The following CHD9 variants were observed in gnomAD, a reference collection of about 807,000 sequenced individuals.
CHD9 encodes chromodomain helicase DNA binding protein 9.
In CHD9, 77 loss-of-function variants were observed where a neutral mutation model predicts 316.1. The observed-to-expected ratio is 0.24, with a 90% CI of 0.20 to 0.29. The LOEUF (loss-of-function observed/expected upper bound fraction) is 0.29, where lower values mean the gene tolerates loss of function less well. Among genes scored for constraint, CHD9 ranks in the 10% least tolerant of loss-of-function variants. CHD9 has a pLI of 1.00. For missense variants in CHD9, 2,763 were observed against 3,438.1 expected, an observed-to-expected ratio of 0.80 and a Z score of 4.91; for synonymous variants, 1,129 against 1,158.3, an observed-to-expected ratio of 0.97 and a Z score of 0.51.
intron 2 of CHD9, among the ~76,000 whole-genome samples, chr16:53,158,509 A>G (rs2041681064): frequency 6.6e-6 from 1 of 152,204 alleles, no homozygotes; most frequent in African/African-American, 2.4e-5. Context: ...TGACTTAGAT[A>G]ATTTCCGTGC....
At chr16:53,189,863 G>C (rs1228518145) in intron 2 of CHD9, among the ~76,000 whole-genome samples, 1 of 152,134 alleles carries the variant, frequency 6.6e-6, no homozygotes, top group Admixed American at 6.5e-5. Context: ...CAACAAAATA[G>C]ACGGAAAGCT....
At chr16:53,264,449 A>G (rs892219112) in intron 20 of CHD9, among the ~76,000 whole-genome samples, 5 of 152,082 alleles carry the variant, frequency 3.3e-5, no homozygotes, top group African/African-American at 1.2e-4. Context: ...AAATAATAAG[A>G]ATGGACATTC....
chr16:53,245,728 G>A lies in CHD9; in HGVS notation c.3332G>A (p.Arg1111Gln). The A allele has an allele frequency of 1.2e-6, 2 of 1,611,196 alleles. No homozygotes were observed. The highest frequency in any genetic ancestry group is 1.7e-6 in the Non-Finnish European group (2 of 1,179,018). Reference sequence around the variant, plus strand: ...ACTAATATTCAAAAGAAATACTACCGGGCTATCTTGGAAAAGAACTTTTCT... The same window carrying A: ...ACTAATATTCAAAAGAAATACTACCAGGCTATCTTGGAAAAGAACTTTTCT... ...ELTNIQKKYYRAILEKNFSFL... is the reference protein window; with the variant it reads ...ELTNIQKKYYQAILEKNFSFL... The change falls in exon 15 of 39, where the codon CGG becomes CAG. Residue 1111 changes from arginine to glutamine, a missense_variant. By Grantham distance (43) the Arg-to-Gln change is conservative. Around this residue, in one of 15 missense-constraint regions of CHD9, gnomAD observed 155 missense variants for 291.8 expected, o/e 0.53. Coordinates refer to ENST00000447540, the MANE Select transcript of CHD9 (RefSeq NM_001308319.2). The surrounding 1 kb of genome is among the most constrained non-coding windows in gnomAD (Gnocchi z 4.1).
At chr16:53,147,929 C>A (rs538760627) in intron 1 of CHD9, among the ~76,000 whole-genome samples, 5 of 152,012 alleles carry the variant, frequency 3.3e-5, no homozygotes, top group African/African-American at 4.8e-5. Flanking sequence ...TTAGGCCAGG[C>A]GCGGTGGCCC....
Position 53,209,736 on chromosome 16 carries a change from G to A in CHD9, c.1707G>A (p.Arg569=). The change falls in exon 3 of 39, where the codon AGG becomes AGA. Residue 569 remains arginine, a synonymous_variant. Transcript: ENST00000447540. Reference sequence around the variant, plus strand: ...GAAAAGAGGAAAAGAAAGGTAGAAGGATGAAATCCAAGCCAAAGGACAAAG... The same window carrying A: ...GAAAAGAGGAAAAGAAAGGTAGAAGAATGAAATCCAAGCCAAAGGACAAAG... ...VEGKEEKKGR[R]MKSKPKDKDS... The A allele has an allele frequency of 6.2e-7, 1 of 1,613,596 alleles. No individual in the cohort carries two copies. The highest frequency in any genetic ancestry group is 1.1e-5 in the South Asian group (1 of 91,056).
intron 3 of CHD9, among the ~76,000 whole-genome samples, chr16:53,211,141 G>A (rs986059468): frequency 1.3e-5 from 2 of 151,958 alleles, no homozygotes; most frequent in East Asian, 1.9e-4. Flanking sequence ...GAAGAGTAAC[G>A]TTTTGAAAAA....
chr16:53,191,741 C>G (rs1261359240), intron 2 of CHD9, among the ~76,000 whole-genome samples: 2 of 152,006 alleles, frequency 1.3e-5, no homozygotes, highest in Non-Finnish European at 2.9e-5. Flanking sequence ...CATTCAAGTT[C>G]AGTCTTTTTG....
At chr16:53,171,606 T>A (rs1381516902) in intron 2 of CHD9, among the ~76,000 whole-genome samples, 1 of 151,888 alleles carries the variant, frequency 6.6e-6, no homozygotes, top group Non-Finnish European at 1.5e-5. Context: ...TACTAACACT[T>A]TGGGAGGCCG....
chr16:53,120,127 T>G (rs1266580038), intron 1 of CHD9, among the ~76,000 whole-genome samples: 1 of 151,524 alleles, frequency 6.6e-6, no homozygotes. Context: ...AGCTATTCAG[T>G]AGGCTGAGGT....
At chr16:53,215,028 T>G (rs904646247) in intron 3 of CHD9, among the ~76,000 whole-genome samples, 17 of 151,754 alleles carry the variant, frequency 1.1e-4, no homozygotes, top group Admixed American at 6.6e-5. Flanking sequence ...TTCTCCTACC[T>G]CAGCCTCCCA....
At chr16:53,188,696 G>T (rs1454499317) in intron 2 of CHD9, among the ~76,000 whole-genome samples, 1 of 133,240 alleles carries the variant, frequency 7.5e-6, no homozygotes, top group African/African-American at 2.8e-5. Context: ...CCAGGTTCAA[G>T]CAGTTCTTCT....
At chr16:53,269,611 A>T (rs1325756635) in intron 22 of CHD9, among the ~76,000 whole-genome samples, 1 of 152,214 alleles carries the variant, frequency 6.6e-6, no homozygotes, top group Non-Finnish European at 1.5e-5. Flanking sequence ...CCTGACTTCT[A>T]GGTAGATGGA....
At chr16:53,080,564 G>A (rs997063888) in intron 1 of CHD9, among the ~76,000 whole-genome samples, 1 of 152,168 alleles carries the variant, frequency 6.6e-6, no homozygotes, top group Non-Finnish European at 1.5e-5. Flanking sequence ...AACACAACGA[G>A]GGGGAAGAGC....
At chr16:53,297,734 G>A (rs937042645) in intron 30 of CHD9, among the ~76,000 whole-genome samples, 4 of 152,208 alleles carry the variant, frequency 2.6e-5, no homozygotes, top group African/African-American at 9.6e-5. Context: ...GTCATGAACA[G>A]TTGTCTCCAT....
At chr16:53,306,428 C>T (rs138135408) in intron 32 of CHD9, 31 bp downstream of exon 32, 76 of 1,522,280 alleles carry the variant, frequency 5.0e-5, no homozygotes, top group Non-Finnish European at 6.2e-5. Context: ...TGGGATAGGT[C>T]ATTTTTTAGT....
intron 1 of CHD9, among the ~76,000 whole-genome samples, chr16:53,106,977 C>T (rs565811606): frequency 6.6e-5 from 10 of 152,162 alleles, no homozygotes; most frequent in Admixed American, 1.3e-4. Flanking sequence ...AGAATGACTT[C>T]GAATGAGAAA....
chr16:53,090,859 C>G (rs1371846647), intron 1 of CHD9, among the ~76,000 whole-genome samples: 1 of 152,160 alleles, frequency 6.6e-6, no homozygotes, highest in East Asian at 1.9e-4. Flanking sequence ...CCAGCAGAGT[C>G]TGGCTCAAAG....
intron 1 of CHD9, among the ~76,000 whole-genome samples, chr16:53,107,498 T>TAAAAC (rs1338706681): frequency 6.5e-5 from 9 of 139,470 alleles, no homozygotes; most frequent in African/African-American, 2.4e-4. Context: ...ATAAATAAAA[T>TAAAAC]AAAATAAAAT....
intron 1 of CHD9, among the ~76,000 whole-genome samples, chr16:53,141,980 G>C (rs1388103480): frequency 6.6e-6 from 1 of 152,160 alleles, no homozygotes; most frequent in Non-Finnish European, 1.5e-5. Flanking sequence ...ACCTATGAGA[G>C]TGGCAAATAA....
Sources: allele counts gnomAD v4.1 joint callset (sites outside exome capture counted in the v4.1 genomes callset), GRCh38; gene constraint gnomAD v4.1.1; regional missense constraint gnomAD v4.1.1; non-coding constraint Gnocchi (gnomAD v3.1); transcripts MANE v1.5; gene names NCBI Gene and HGNC (gene_info 2026-07-23, HGNC 2026-07-21).